Variants in RPGRIP1L observed in about 807,000 individuals in gnomAD.
RPGRIP1L encodes protein fantom.
Under a neutral mutation model 160.4 loss-of-function variants are expected in RPGRIP1L, and 131 were observed. That is an observed-to-expected ratio of 0.82 (90% CI 0.71 to 0.94). RPGRIP1L has a LOEUF of 0.94. Ranked by LOEUF, RPGRIP1L falls within the 40% of genes least tolerant of loss-of-function variation. RPGRIP1L has a pLI of 0.00. For synonymous variants in RPGRIP1L, 510 were observed against 515.8 expected (o/e 0.99, Z 0.15); for missense variants, 1,522 against 1,535.8 (o/e 0.99, Z 0.15).
intron 14 of RPGRIP1L, among the ~76,000 whole-genome samples, chr16:53,654,582 T>C (rs9934800): frequency 0.17 from 25,534 of 152,110 alleles, 3,843 homozygotes; most frequent in African/African-American, 0.4. Context: ...ACACTCTTCA[T>C]AGTAAAACAT....
intron 7 of RPGRIP1L, among the ~76,000 whole-genome samples, chr16:53,674,460 A>C (rs1968988932): frequency 6.6e-6 from 1 of 152,144 alleles, no homozygotes; most frequent in African/African-American, 2.4e-5. Flanking sequence ...AAGAATCCCA[A>C]GTATTGTCAA....
chr16:53,691,415 T>G (rs1970374684), intron 4 of RPGRIP1L, among the ~76,000 whole-genome samples: 1 of 152,188 alleles, frequency 6.6e-6, no homozygotes, highest in Admixed American at 6.5e-5. Context: ...TGGGTACATT[T>G]TAGGTTATTA....
intron 22 of RPGRIP1L, chr16:53,628,683 A>C (rs535331265): frequency 6.6e-6 from 1 of 152,328 alleles, no homozygotes; most frequent in Non-Finnish European, 1.5e-5. Context: ...TAACAAACAA[A>C]AGAAAACCAC....
chr16:53,634,422 A>G (rs1234463796), intron 22 of RPGRIP1L, among the ~76,000 whole-genome samples: 2 of 152,180 alleles, frequency 1.3e-5, no homozygotes, highest in African/African-American at 4.8e-5. Flanking sequence ...TATATAATTT[A>G]CCAAGATTAA....
intron 25 of RPGRIP1L, among the ~76,000 whole-genome samples, chr16:53,609,529 CAA>C (rs1963896627): frequency 6.6e-6 from 1 of 152,122 alleles, no homozygotes. Context: ...TGTTGTCTCC[CAA>C]TATGATCTCA....
intron 22 of RPGRIP1L, chr16:53,635,420 T>C (rs1418544274): frequency 6.6e-6 from 1 of 152,228 alleles, no homozygotes; most frequent in Admixed American, 6.5e-5. Flanking sequence ...TGGAGGAATC[T>C]GTGACAACAA....
intron 6 of RPGRIP1L, among the ~76,000 whole-genome samples, chr16:53,676,070 A>G (rs2151265246): frequency 6.6e-6 from 1 of 152,316 alleles, no homozygotes; most frequent in African/African-American, 2.4e-5. Flanking sequence ...GTGTACACAT[A>G]TTGGAAAAAT....
In RPGRIP1L at chr16:53,649,130, A is replaced by G. The variant is rs772173634; in HGVS notation, c.2153-15T>C. On this transcript the variant is annotated splice_polypyrimidine_tract_variant and intron_variant, in intron 15 of 26. Coordinates refer to ENST00000647211, the MANE Select transcript of RPGRIP1L (RefSeq NM_015272.5). ...TCCTTTTGTTCCTACAAATCAGTAC[A>G]TAACCCAAGGTTAAAATAGTTTCAT... 1.2e-6 allele frequency: 2 copies of G among 1,612,658 alleles called. No individual in the cohort carries two copies. Among genetic ancestry groups the G allele is most frequent in the Non-Finnish European group, 1.7e-6 (2 of 1,178,700 alleles).
intron 18 of RPGRIP1L, 59 bp from the exon 19 acceptor site, chr16:53,641,175 G>A: frequency 6.5e-7 from 1 of 1,537,912 alleles, no homozygotes; most frequent in Non-Finnish European, 9.0e-7. Flanking sequence ...TTTCAGATAA[G>A]ACTTTAGCTA....
intron 16 of RPGRIP1L, 77 bp from the exon 17 acceptor site, chr16:53,646,080 G>A: frequency 7.3e-7 from 1 of 1,363,394 alleles, no homozygotes; most frequent in Non-Finnish European, 1.0e-6. Context: ...CCCCAAATAA[G>A]ATAATTTTGT....
In RPGRIP1L at chr16:53,665,011, T is replaced by A; in HGVS notation, c.1104-2A>T. 1 of 1,613,590 alleles carries A rather than the reference T, an allele frequency of 6.2e-7. No homozygotes were observed. The highest frequency in any genetic ancestry group is 1.3e-5 in the African/African-American group (1 of 75,042). On this transcript the variant is annotated splice_acceptor_variant, in intron 9 of 26. Coordinates refer to ENST00000647211, the MANE Select transcript of RPGRIP1L (RefSeq NM_015272.5). LOFTEE classifies it high-confidence loss of function. ...TCTTCATGGGCAGCACTGAAGGCACTGCAAAACACACGTGACATGCAAGGA... is the reference window on the plus strand; with the variant it reads ...TCTTCATGGGCAGCACTGAAGGCACAGCAAAACACACGTGACATGCAAGGA...
chr16:53,657,766 G>A, intron 12 of RPGRIP1L, 134 bp from the exon 13 acceptor site: 1 of 611,456 alleles, frequency 1.6e-6, no homozygotes, highest in Admixed American at 3.0e-5. Flanking sequence ...ACAGACAAAG[G>A]AAGTCCTGAT....
chr16:53,692,076 G>C lies in RPGRIP1L; in HGVS notation c.519C>G (p.Cys173Trp). The change falls in exon 4 of 27, where the codon TGC (cysteine) becomes TGG (tryptophan). Residue 173 changes from cysteine (C) to tryptophan (W), a missense_variant. Physicochemically the swap from Cys to Trp is radical, Grantham distance 215. Coordinates refer to ENST00000647211, the MANE Select transcript of RPGRIP1L (RefSeq NM_015272.5). ...TAAGCTTTGTTTTACCTTTCCTGGG[G>C]CATTCCTGTAAACCAGCATTTTCAT... is the stretch of plus-strand genomic sequence containing the variant. Reference protein sequence around the residue: ...KANENAGLQECPRKGIKFQDA... With the variant: ...KANENAGLQEWPRKGIKFQDA... 2.5e-6 allele frequency: 4 copies of C among 1,613,740 alleles called. No homozygotes were observed. Among genetic ancestry groups the C allele is most frequent in the Non-Finnish European group, 3.4e-6 (4 of 1,179,800 alleles).
rs1236687801 is a variant in RPGRIP1L, at chr16:53,675,027, T to C, written c.872A>G (p.Gln291Arg). 2.5e-6 allele frequency: 4 copies of C among 1,593,280 alleles called. No homozygotes were observed. Among genetic ancestry groups the C allele is most frequent in the South Asian group, 1.1e-5 (1 of 90,688 alleles). Residue 291 changes from glutamine to arginine, a missense_variant, in exon 7 of 27, where the codon CAG (glutamine) becomes CGG (arginine). Transcript: ENST00000647211. ...ALSAMEGKFIQLQEKQRTLRI... is the reference protein window; with the variant it reads ...ALSAMEGKFIRLQEKQRTLRI... The stretch of plus-strand genomic sequence containing the variant: ...AAATTATCACTGTACCTCTTGAAGC[T>C]GAATAAATTTTCCTTCCATTGCTGA...
At chr16:53,693,924 T>C (rs991845388) in intron 3 of RPGRIP1L, 2 of 152,160 alleles carry the variant, frequency 1.3e-5, no homozygotes, top group African/African-American at 4.8e-5. Flanking sequence ...AGATTTAATA[T>C]AAAAAGGCAG....
chr16:53,605,449 T>C (rs1248683467), intron 26 of RPGRIP1L, 32 bp downstream of exon 26: 11 of 1,613,680 alleles, frequency 6.8e-6, no homozygotes, highest in Non-Finnish European at 9.3e-6. Flanking sequence ...CAATTGTTGG[T>C]TGCACAAACT....
chr16:53,629,997 G>A (rs540336561), intron 22 of RPGRIP1L, among the ~76,000 whole-genome samples: 1 of 152,216 alleles, frequency 6.6e-6, no homozygotes, highest in South Asian at 2.1e-4. Context: ...TAAATGTCAT[G>A]TCTGTATGTG....
rs1357658306 is a variant in RPGRIP1L at position 53,645,773 on chromosome 16, T to C, written c.2535A>G (p.Pro845=). 4 of 1,614,148 alleles carry C rather than the reference T, an allele frequency of 2.5e-6. No individual in the cohort carries two copies. Among genetic ancestry groups the C allele is most frequent in the Non-Finnish European group, 3.4e-6 (4 of 1,180,018 alleles). ...GATCCAAGTCCATATTCATTGGCAC[T>C]GGGAAATACATATGATCATCAAACT... ...DPQFDDHMYF[P]VPMNMDLDRY... The change falls in exon 17 of 27, where the codon CCA becomes CCG. Residue 845 remains proline, a synonymous_variant. Transcript: ENST00000647211.
intron 24 of RPGRIP1L, among the ~76,000 whole-genome samples, chr16:53,614,482 G>T (rs374909874): frequency 6.6e-6 from 1 of 152,132 alleles, no homozygotes; most frequent in South Asian, 2.1e-4. Context: ...GGTGGTGGGG[G>T]TTCTACACAT....
Sources: gnomAD v4.1 joint callset for allele counts (sites outside exome capture counted in the v4.1 genomes callset) on GRCh38, gnomAD v4.1.1 for gene constraint, MANE v1.5 for transcripts, NCBI Gene and HGNC (gene_info 2026-07-23, HGNC 2026-07-21) for gene names.